The following ZNF653 variants were observed in gnomAD, a reference collection of about 807,000 sequenced individuals.
ZNF653 encodes the protein 67 kDa zinc finger protein.
A neutral mutation model predicts 59.9 loss-of-function variants in ZNF653; 37 were observed. That is an observed-to-expected ratio of 0.62 (90% CI 0.48 to 0.81). The LOEUF is 0.81. ZNF653 is among the 40% of genes least tolerant of loss of function. ZNF653 has a pLI of 0.00. For missense variants in ZNF653, 808 were observed against 881.1 expected (o/e 0.92, Z 1.05); for synonymous variants, 435 against 371.8 (o/e 1.17, Z -1.96).
rs145550390 is a variant in ZNF653 at position 11,487,978 on chromosome 19, T to TTTTATTTA, written c.560-83_560-76dup. The TTTTATTTA allele has an allele frequency of 7.9e-4, 893 of 1,134,870 alleles. 17 individuals are homozygous for TTTTATTTA. The African/African-American group carries it at 0.013, about 16-fold the overall frequency. 70.3% of individuals were successfully genotyped at this position (1,134,870 alleles called of 1,614,324 possible). A position where few individuals can be genotyped will look rare whatever the true frequency, so the allele number is the denominator to read the frequency against. On this transcript the variant is annotated intron_variant, in intron 3 of 8. Coordinates refer to ENST00000293771, the MANE Select transcript of ZNF653 (RefSeq NM_138783.4). This position sits in a 1 kb window ranked among gnomAD's most constrained non-coding sequence, Gnocchi z 5.1. ...ATTTGTTTATTTAGTTTTTATTTTA[T>TTTTATTTA]TTTATTTATTTATTTATTTATTTTT...
At chr19:11,497,773 G>A (rs28645144) in intron 2 of ZNF653, among the ~76,000 whole-genome samples, 1 of 152,180 alleles carries the variant, frequency 6.6e-6, no homozygotes, top group Non-Finnish European at 1.5e-5. Context: ...CTCCGGCCCA[G>A]CCCTTTCCCT....
intron 1 of ZNF653, 128 bp from the exon 2 acceptor site, chr19:11,498,467 G>C: frequency 7.9e-7 from 1 of 1,273,390 alleles, no homozygotes; most frequent in Non-Finnish European, 1.1e-6. Flanking sequence ...TTTTTGAGAT[G>C]GAGTCTCACT....
At chr19:11,500,297 G>C (rs985004922) in intron 1 of ZNF653, among the ~76,000 whole-genome samples, 1 of 151,966 alleles carries the variant, frequency 6.6e-6, no homozygotes, top group African/African-American at 2.4e-5. Flanking sequence ...CCTTCCCATG[G>C]CTCCACCCTC....
At chr19:11,494,616 A>C (rs1433630883) in intron 3 of ZNF653, among the ~76,000 whole-genome samples, 3 of 152,168 alleles carry the variant, frequency 2.0e-5, no homozygotes, top group African/African-American at 7.2e-5. Context: ...CTGGAACCTG[A>C]GGCTTGGCTT....
Position 11,487,442 on chromosome 19 carries a change from C to G in ZNF653, c.1021G>C (p.Ala341Pro), listed in dbSNP as rs773250862. 5.0e-6 allele frequency: 8 copies of G among 1,612,692 alleles called. No individual in the cohort carries two copies. The African/African-American group carries it at 1.1e-4, about 21-fold the overall frequency. Residue 341 changes from alanine to proline, a missense_variant, in exon 4 of 9, where the codon GCA (alanine) becomes CCA (proline). Physicochemically the swap from Ala to Pro is conservative, Grantham distance 27. Transcript: ENST00000293771. This position sits in a 1 kb window ranked among gnomAD's most constrained non-coding sequence, Gnocchi z 5.1. ...CCACTGCCGGGGACACCGCTGCCTG[C>G]TGCCATGTTGAGGTGAATGCCCTCG... ...TAEGIHLNMAAGSGVPGSGLG... is the reference protein window; with the variant it reads ...TAEGIHLNMAPGSGVPGSGLG...
At chr19:11,498,396 C>A (rs1971610189) in intron 1 of ZNF653, 57 bp from the exon 2 acceptor site, 2 of 1,610,946 alleles carry the variant, frequency 1.2e-6, no homozygotes, top group Non-Finnish European at 1.7e-6. Flanking sequence ...GCCTGTCTGA[C>A]CCATGAGTAA....
chr19:11,501,797 CTTTT>C (rs57995525), intron 1 of ZNF653, among the ~76,000 whole-genome samples: 9 of 150,604 alleles, frequency 6.0e-5, no homozygotes, highest in African/African-American at 2.2e-4. Context: ...CCTTTAGTAA[CTTTT>C]TTTTTTCTTT....
chr19:11,494,381 A>AAACATAACAT (rs1555737003), intron 3 of ZNF653, among the ~76,000 whole-genome samples: 8 of 132,912 alleles, frequency 6.0e-5, no homozygotes, highest in African/African-American at 1.5e-4. Flanking sequence ...ACATAACATA[A>AAACATAACAT]AACATAACAT....
At chr19:11,505,245 C>A (rs888211613) in intron 1 of ZNF653, 15 of 441,906 alleles carry the variant, frequency 3.4e-5, no homozygotes, top group Admixed American at 1.8e-4. Flanking sequence ...CGGGGCCAAG[C>A]GCTCAGAAGG....
rs1411105801 is a variant in ZNF653, at chr19:11,498,148, C to G, written c.343+148G>C. On this transcript the variant is annotated intron_variant, in intron 2 of 8. Coordinates refer to ENST00000293771, the MANE Select transcript of ZNF653 (RefSeq NM_138783.4). ...AGCCAAGGACACTGCGCCTGAGACA[C>G]AAGACACGCAGACCCGGGTTTGAGG... 7.8e-6 allele frequency: 8 copies of G among 1,027,550 alleles called. No homozygotes were observed. In the East Asian group the frequency reaches 2.0e-4, roughly 25 times the overall value. The allele number at this position is 1,027,550 out of a possible 1,614,324, so 63.7% of individuals were successfully genotyped here. A position where few individuals can be genotyped will look rare whatever the true frequency, so the allele number is the denominator to read the frequency against.
Position 11,487,774 on chromosome 19 carries a change from G to A in ZNF653, c.689C>T (p.Pro230Leu), listed in dbSNP as rs749047210. Residue 230 changes from proline to leucine, a missense_variant, in exon 4 of 9, where the codon CCG (proline) becomes CTG (leucine). Coordinates refer to ENST00000293771, the MANE Select transcript of ZNF653 (RefSeq NM_138783.4). This position sits in a 1 kb window ranked among gnomAD's most constrained non-coding sequence, Gnocchi z 5.1. ...AAAAAATPTS[P>L]VGSSGLITQE... ...AGTGATGAGCCCGCTGCTGCCCACC[G>A]GGCTGGTGGGCGTCGCTGCCGCTGC... The A allele has an allele frequency of 4.8e-5, 78 of 1,612,408 alleles. 1 individual carries two copies. The highest frequency in any genetic ancestry group is 6.7e-5 in the African/African-American group (5 of 74,858).
chr19:11,487,668 T>A lies in ZNF653; in HGVS notation c.795A>T (p.Pro265=), dbSNP rs311805. 6.2e-7 allele frequency: 1 copy of A among 1,613,744 alleles called. No homozygotes were observed. ...AEQGTPLCSN[P]AGNGPEALET... is the part of the protein sequence containing the mutation. ...CCAGGGCTTCAGGCCCATTGCCTGC[T>A]GGGTTGGAGCACAGCGGGGTACCCT... is the stretch of plus-strand genomic sequence containing the variant. The change falls in exon 4 of 9, where the codon CCA becomes CCT. Residue 265 remains proline (P), a synonymous_variant. Transcript: ENST00000293771. The surrounding 1 kb of genome is among the most constrained non-coding windows in gnomAD (Gnocchi z 5.1).
chr19:11,498,155 C>CG (rs1159905554), intron 2 of ZNF653, 141 bp downstream of exon 2: 2 of 1,097,968 alleles, frequency 1.8e-6, no homozygotes, highest in African/African-American at 3.1e-5. Context: ...ACACAAGACA[C>CG]GCAGACCCGG....
At chr19:11,505,308 G>A in intron 1 of ZNF653, 180 bp downstream of exon 1, 2 of 589,246 alleles carry the variant, frequency 3.4e-6, no homozygotes, top group South Asian at 5.8e-5. Context: ...ACGATGGGAG[G>A]CGGGGCCACG....
At chr19:11,496,228 G>T in intron 2 of ZNF653, 63 bp from the exon 3 acceptor site, 1 of 1,534,400 alleles carries the variant, frequency 6.5e-7, no homozygotes. Flanking sequence ...TGACATGGCT[G>T]CCTGAACCAC....
chr19:11,505,811 C>G lies in ZNF653; in HGVS notation c.-25G>C. The G allele has an allele frequency of 7.3e-7, 1 of 1,364,432 alleles. No homozygotes were observed. The allele number at this position is 1,364,432 out of a possible 1,614,324, so 84.5% of individuals were successfully genotyped here. On this transcript the variant is annotated 5_prime_UTR_variant, in exon 1 of 9. Coordinates refer to ENST00000293771, the MANE Select transcript of ZNF653 (RefSeq NM_138783.4). ...TCCCCCCCACCCTGGTTACCAGCCT[C>G]CCCCGTTGTTAGGAGCCAGACCGGA...
intron 1 of ZNF653, among the ~76,000 whole-genome samples, chr19:11,498,633 G>A (rs963772079): frequency 2.2e-4 from 34 of 152,046 alleles, no homozygotes; most frequent in Non-Finnish European, 1.5e-4. Context: ...TAGTAGAGAC[G>A]GAGTTTCACC....
chr19:11,492,392 T>A (rs1281707674), intron 3 of ZNF653, among the ~76,000 whole-genome samples: 1 of 152,122 alleles, frequency 6.6e-6, no homozygotes, highest in East Asian at 1.9e-4. Context: ...CTCTGTCACC[T>A]AGGCTGGAAT....
At chr19:11,497,357 GC>G (rs1971599496) in intron 2 of ZNF653, among the ~76,000 whole-genome samples, 1 of 152,238 alleles carries the variant, frequency 6.6e-6, no homozygotes, top group Non-Finnish European at 1.5e-5. Flanking sequence ...ACGCTGCATA[GC>G]GGGCGGGCAT....
Sources: gnomAD v4.1 joint callset for allele counts (sites outside exome capture counted in the v4.1 genomes callset) on GRCh38, gnomAD v4.1.1 for gene constraint, Gnocchi (gnomAD v3.1) non-coding constraint, MANE v1.5 for transcripts, NCBI Gene and HGNC (gene_info 2026-07-23, HGNC 2026-07-21) for gene names.